Variants in NOTUM observed in about 807,000 individuals in gnomAD.
NOTUM encodes palmitoleoyl-protein carboxylesterase NOTUM.
NOTUM carries 36 observed loss-of-function variants against 65.5 expected under a neutral mutation model. That is an observed-to-expected ratio of 0.55 (90% confidence interval 0.42 to 0.73). NOTUM has a LOEUF of 0.73. Among genes scored for constraint, NOTUM ranks in the 30% least tolerant of loss-of-function variants. The pLI, the probability that NOTUM is intolerant of heterozygous loss-of-function variation, is 0.00. For synonymous variants in NOTUM, 356 were observed against 297.9 expected (o/e 1.20, Z -2.01); for missense variants, 659 against 694.2 (o/e 0.95, Z 0.57).
intron 9 of NOTUM, among the ~76,000 whole-genome samples, chr17:81,954,937 C>A (rs930758241): frequency 4.0e-5 from 3 of 75,152 alleles, no homozygotes; most frequent in Admixed American, 1.0e-4. Flanking sequence ...CTCGATCTCT[C>A]TCTCTCTCTC....
chr17:81,958,885 AG>A (rs1482641395), intron 4 of NOTUM, 49 bp downstream of exon 4: 16 of 1,438,544 alleles, frequency 1.1e-5, no homozygotes, highest in Non-Finnish European at 1.6e-5. Context: ...CCCCCCGGGA[AG>A]AACCACCCTC....
At chr17:81,954,858 C>G (rs1409628446) in intron 9 of NOTUM, among the ~76,000 whole-genome samples, 7 of 152,212 alleles carry the variant, frequency 4.6e-5, no homozygotes, top group African/African-American at 1.7e-4. Flanking sequence ...CTCCAGCAAT[C>G]CTGCTGCCTC....
At chr17:81,955,362 A>G in intron 9 of NOTUM, 35 bp downstream of exon 9, 3 of 1,514,576 alleles carry the variant, frequency 2.0e-6, no homozygotes, top group Non-Finnish European at 2.7e-6. Flanking sequence ...GGAGGGAGCT[A>G]CCCGGCGTGG....
intron 3 of NOTUM, 106 bp from the exon 4 acceptor site, chr17:81,959,101 G>A: frequency 1.0e-6 from 1 of 964,722 alleles, no homozygotes; most frequent in South Asian, 1.3e-5. Flanking sequence ...CCCAGGAAGG[G>A]AGGTGTGCTG....
In NOTUM at chr17:81,952,888, T is replaced by C; in HGVS notation, c.*73A>G. On this transcript the variant is annotated 3_prime_UTR_variant, in exon 11 of 11. Coordinates refer to ENST00000409678, the MANE Select transcript of NOTUM (RefSeq NM_178493.6). ...CCGAAGAGACGGGAGGGCCTGCTGG[T>C]GGGGGGTGAGGTGGCACTGGGGCAG... The C allele has an allele frequency of 7.5e-7, 1 of 1,341,156 alleles. No individual in the cohort carries two copies. Among genetic ancestry groups the C allele is most frequent in the Non-Finnish European group, 1.1e-6 (1 of 949,228 alleles). 83.1% of individuals were successfully genotyped at this position (1,341,156 alleles called of 1,614,324 possible). A position where few individuals can be genotyped will look rare whatever the true frequency, so the allele number is the denominator to read the frequency against.
chr17:81,959,089 G>T, intron 3 of NOTUM, 94 bp from the exon 4 acceptor site: 1 of 1,056,488 alleles, frequency 9.5e-7, no homozygotes, highest in Non-Finnish European at 1.5e-6. Context: ...CTCCTACTTG[G>T]CCCCAGGAAG....
chr17:81,954,316 A>G lies in NOTUM; in HGVS notation c.1137-13T>C. On this transcript the variant is annotated splice_polypyrimidine_tract_variant and intron_variant, in intron 9 of 10. Coordinates refer to ENST00000409678, the MANE Select transcript of NOTUM (RefSeq NM_178493.6). ...GGCAAAGCTGGCCCTGTTGGAGAGG[A>G]GACAGTGGCTTGTGAGCTCCTTACC... 6.2e-7 allele frequency: 1 copy of G among 1,608,996 alleles called. No homozygotes were observed. The highest frequency in any genetic ancestry group is 8.5e-7 in the Non-Finnish European group (1 of 1,175,550).
At position 81,959,467 on chromosome 17, in the gene NOTUM, T is replaced by C; in HGVS notation, c.472+4A>G. 2.6e-6 allele frequency: 4 copies of C among 1,545,384 alleles called. No homozygotes were observed. Among genetic ancestry groups the C allele is most frequent in the Non-Finnish European group, 3.5e-6 (4 of 1,145,114 alleles). Reference sequence around the variant, plus strand: ...AGACGCCTTCCCCAGGGCCCGCCGCTGACCTGTGCGAGTGCGCGGCCAGTC... The same window carrying C: ...AGACGCCTTCCCCAGGGCCCGCCGCCGACCTGTGCGAGTGCGCGGCCAGTC... On this transcript the variant is annotated splice_donor_region_variant and intron_variant, in intron 3 of 10. Coordinates refer to ENST00000409678, the MANE Select transcript of NOTUM (RefSeq NM_178493.6).
chr17:81,958,917 G>C lies in NOTUM; in HGVS notation c.533+18C>G. On this transcript the variant is annotated intron_variant, in intron 4 of 10. Transcript: ENST00000409678. The stretch of plus-strand genomic sequence containing the variant: ...CCCTCCAGGCAGGACTCCCAGGCAA[G>C]ACCCTGTGCCCCCTTACACCATGTT... 6.2e-7 allele frequency: 1 copy of C among 1,604,338 alleles called. No homozygotes were observed.
At position 81,953,240 on chromosome 17, in the gene NOTUM, C is replaced by T; in HGVS notation, c.1212G>A (p.Gly404=). The T allele has an allele frequency of 6.2e-7, 1 of 1,610,988 alleles. No individual in the cohort carries two copies. Among genetic ancestry groups the T allele is most frequent in the Non-Finnish European group, 8.5e-7 (1 of 1,179,294 alleles). The stretch of plus-strand genomic sequence containing the variant: ...AGTGCAGTGCTCGGGGCAGCGACGT[C>T]CCCTTCACCTGGACATCCGTCCAGT... ...RSHWTDVQVK[G]TSLPRALHCW... is the part of the protein sequence containing the mutation. The change falls in exon 11 of 11, where the codon GGG becomes GGA. Residue 404 remains glycine (G), a synonymous_variant. Transcript: ENST00000409678.
Position 81,957,799 on chromosome 17 carries a change from TGCC to T in NOTUM, c.695+4_695+6del, listed in dbSNP as rs748734280. ...CCTCACCTCCAGCCCTGCCCCGCCC[TGCC>T]CACCTGCTCCCGGCCAGCAGCAGCA... On this transcript the variant is annotated splice_donor_5th_base_variant and intron_variant, in intron 6 of 10. Transcript: ENST00000409678. 6.3e-7 allele frequency: 1 copy of T among 1,579,538 alleles called. No homozygotes were observed. Among genetic ancestry groups the T allele is most frequent in the South Asian group, 1.1e-5 (1 of 87,894 alleles).
rs2041462306 is a variant in NOTUM at position 81,960,025 on chromosome 17, G to A, written c.324-333C>T. Among the ~76,000 whole-genome samples, 1 of 152,118 alleles carries A rather than the reference G, an allele frequency of 6.6e-6. No individual in the cohort carries two copies. Among genetic ancestry groups the A allele is most frequent in the Admixed American group, 6.5e-5 (1 of 15,282 alleles). Reference sequence around the variant, plus strand: ...AAGCGTGAAACGCGTCCGCACTGAAGGAGCGCGCTTGGCGGGGGAACGGGA... The same window carrying A: ...AAGCGTGAAACGCGTCCGCACTGAAAGAGCGCGCTTGGCGGGGGAACGGGA... On this transcript the variant is annotated intron_variant, in intron 1 of 10. Coordinates refer to ENST00000409678, the MANE Select transcript of NOTUM (RefSeq NM_178493.6). The surrounding 1 kb of genome is among the most constrained non-coding windows in gnomAD (Gnocchi z 6.4).
Position 81,958,969 on chromosome 17 carries a change from C to G in NOTUM, c.499G>C (p.Glu167Gln). Residue 167 changes from glutamate (E) to glutamine (Q), a missense_variant, in exon 4 of 11, where the codon GAG (glutamate) becomes CAG (glutamine). Coordinates refer to ENST00000409678, the MANE Select transcript of NOTUM (RefSeq NM_178493.6). The stretch of plus-strand genomic sequence containing the variant: ...GCGTTCCACCAGTAGGGGTTCTCCT[C>G]CGGCTGTGAGGACAGGATCCCTGTG... Reference protein sequence around the residue: ...TGTGILSSQPEENPYWWNANM... With the variant: ...TGTGILSSQPQENPYWWNANM... The G allele has an allele frequency of 6.2e-7, 1 of 1,613,202 alleles. No individual in the cohort carries two copies. Among genetic ancestry groups the G allele is most frequent in the Non-Finnish European group, 8.5e-7 (1 of 1,179,844 alleles).
At position 81,953,369 on chromosome 17, in the gene NOTUM, C is replaced by T. The variant is rs540699596; in HGVS notation, c.1185-102G>A. 2.6e-4 allele frequency: 184 copies of T among 721,436 alleles called. 2 individuals carry two copies. The South Asian group carries it at 3.3e-3, about 13-fold the overall frequency. 44.7% of individuals were successfully genotyped at this position (721,436 alleles called of 1,614,324 possible). On this transcript the variant is annotated intron_variant, in intron 10 of 10. Coordinates refer to ENST00000409678, the MANE Select transcript of NOTUM (RefSeq NM_178493.6). ...GACCAGCCATGGCAGGATCTCGGCTCACTGCAGCCTCCGCCTCCCGGGTTC... is the reference window on the plus strand; with the variant it reads ...GACCAGCCATGGCAGGATCTCGGCTTACTGCAGCCTCCGCCTCCCGGGTTC...
chr17:81,953,242 C>T lies in NOTUM; in HGVS notation c.1210G>A (p.Gly404Arg), dbSNP rs1405614863. 3.1e-6 allele frequency: 5 copies of T among 1,610,696 alleles called. No homozygotes were observed. The highest frequency in any genetic ancestry group is 4.2e-6 in the Non-Finnish European group (5 of 1,179,160). The change falls in exon 11 of 11, where the codon GGG (glycine) becomes AGG (arginine). Residue 404 changes from glycine to arginine, a missense_variant. Physicochemically the swap from Gly to Arg is moderately radical, Grantham distance 125. Coordinates refer to ENST00000409678, the MANE Select transcript of NOTUM (RefSeq NM_178493.6). ...TGCAGTGCTCGGGGCAGCGACGTCC[C>T]CTTCACCTGGACATCCGTCCAGTGG... Reference protein sequence around the residue: ...RSHWTDVQVKGTSLPRALHCW... With the variant: ...RSHWTDVQVKRTSLPRALHCW...
chr17:81,957,190 A>ACTGCGGATGCATT, intron 6 of NOTUM, 116 bp from the exon 7 acceptor site: 1 of 777,798 alleles, frequency 1.3e-6, no homozygotes, highest in Non-Finnish European at 2.0e-6. Flanking sequence ...TGCGTTCTGA[A>ACTGCGGATGCATT]CTGCGGATGC....
Position 81,955,559 on chromosome 17 carries a change from G to A in NOTUM, c.989-15C>T, listed in dbSNP as rs763760834. ...GAACACAGGGCCTGCGGGCGGCGGG[G>A]CTCAGTTCGGCCTCCCCTGACCCCC... is the stretch of plus-strand genomic sequence containing the variant. On this transcript the variant is annotated splice_polypyrimidine_tract_variant and intron_variant, in intron 8 of 10. Coordinates refer to ENST00000409678, the MANE Select transcript of NOTUM (RefSeq NM_178493.6). 5.0e-6 allele frequency: 8 copies of A among 1,604,716 alleles called. No individual in the cohort carries two copies. Among genetic ancestry groups the A allele is most frequent in the Non-Finnish European group, 6.8e-6 (8 of 1,175,884 alleles).
chr17:81,952,741 G>A lies in NOTUM; in HGVS notation c.*220C>T, dbSNP rs1598366236. On this transcript the variant is annotated 3_prime_UTR_variant, in exon 11 of 11. Coordinates refer to ENST00000409678, the MANE Select transcript of NOTUM (RefSeq NM_178493.6). ...CCTCGTTGTCAGGAAGGACCCCCAG[G>A]CCACAGATGGGGATGACAGCAGGTC... The A allele has an allele frequency of 3.4e-6, 2 of 582,656 alleles. No individual in the cohort carries two copies. The highest frequency in any genetic ancestry group is 6.1e-6 in the Non-Finnish European group (2 of 327,116). The allele number at this position is 582,656 out of a possible 1,614,324, so 36.1% of individuals were successfully genotyped here.
intron 5 of NOTUM, 33 bp from the exon 6 acceptor site, chr17:81,957,941 G>T (rs1417303815): frequency 1.1e-5 from 17 of 1,491,324 alleles, no homozygotes; most frequent in Non-Finnish European, 1.6e-5. Context: ...TCAGGTAGGG[G>T]CCTGGACAGA....
Sources: gnomAD v4.1 joint callset for allele counts (sites outside exome capture counted in the v4.1 genomes callset) on GRCh38, gnomAD v4.1.1 for gene constraint, Gnocchi (gnomAD v3.1) non-coding constraint, MANE v1.5 for transcripts, NCBI Gene and HGNC (gene_info 2026-07-23, HGNC 2026-07-21) for gene names.